SCRT2: variants seen among roughly 807,000 people sequenced by gnomAD.
SCRT2 encodes the protein transcriptional repressor scratch 2.
A neutral mutation model predicts 3.7 loss-of-function variants in SCRT2; 2 were observed. The ratio of observed to expected loss-of-function variants is 0.54; its 90% CI spans 0.22 to 1.70. The LOEUF (loss-of-function observed/expected upper bound fraction) is 1.70, where lower values mean the gene tolerates loss of function less well. SCRT2 is among the 40% of genes most tolerant of loss of function. The probability of loss-of-function intolerance (pLI) is 0.19; values close to 1 mark genes in which losing one functional copy is unlikely to be tolerated. For synonymous variants in SCRT2, 256 were observed against 220.6 expected (o/e 1.16, Z -1.42); for missense variants, 456 against 468.5 (o/e 0.97, Z 0.25).
chr20:666,941 G>A lies in SCRT2; in HGVS notation c.134-2480C>T, dbSNP rs1311208078. On this transcript the variant is annotated intron_variant, in intron 1 of 1. Transcript: ENST00000246104. This position sits in a 1 kb window ranked among gnomAD's most constrained non-coding sequence, Gnocchi z 4.4. ...TTTTTTTTAAAATGGGATTTATCTG[G>A]AGGGGTGACTGATCACGTAACCAGT... Among the ~76,000 whole-genome samples the A allele has an allele frequency of 3.9e-5, 6 of 152,240 alleles. No individual in the cohort carries two copies. The highest frequency in any genetic ancestry group is 8.8e-5 in the Non-Finnish European group (6 of 68,024).
At chr20:672,581 G>A (rs1025398102) in intron 1 of SCRT2, among the ~76,000 whole-genome samples, 1 of 151,972 alleles carries the variant, frequency 6.6e-6, no homozygotes, top group Non-Finnish European at 1.5e-5. Context: ...CACATTCACA[G>A]GCTCCCCCAA....
In SCRT2 at chr20:666,690, C is replaced by T. The variant is rs77051939; in HGVS notation, c.134-2229G>A. On this transcript the variant is annotated intron_variant, in intron 1 of 1. Coordinates refer to ENST00000246104, the MANE Select transcript of SCRT2 (RefSeq NM_033129.4). The surrounding 1 kb of genome is among the most constrained non-coding windows in gnomAD (Gnocchi z 4.4). The stretch of plus-strand genomic sequence containing the variant: ...GCTGTTCACCTCCCATTCCCAGGGC[C>T]CTAGCTAGTGGGCACTTAATAAGTA... 0.027 allele frequency among the ~76,000 whole-genome samples: 4,126 copies of T among 152,284 alleles called. 184 individuals carry two copies. Among genetic ancestry groups the T allele is most frequent in the African/African-American group, 0.088 (3,652 of 41,546 alleles).
chr20:672,202 A>G (rs1249457182), intron 1 of SCRT2, among the ~76,000 whole-genome samples: 1 of 152,136 alleles, frequency 6.6e-6, no homozygotes, highest in Non-Finnish European at 1.5e-5. Flanking sequence ...AATTAGATCT[A>G]TTCCCACTTA....
Position 662,547 on chromosome 20 carries a change from T to G in SCRT2, c.*1124A>C, listed in dbSNP as rs900799407. The G allele has an allele frequency of 1.3e-5, 2 of 152,304 alleles. No individual in the cohort carries two copies. Among genetic ancestry groups the G allele is most frequent in the African/African-American group, 4.8e-5 (2 of 41,442 alleles). 9.4% of individuals were successfully genotyped at this position (152,304 alleles called of 1,614,324 possible). On this transcript the variant is annotated 3_prime_UTR_variant, in exon 2 of 2. Coordinates refer to ENST00000246104, the MANE Select transcript of SCRT2 (RefSeq NM_033129.4). ...CTGTGGCCTGTGCTGTCCCTCTCCTTGCCTGGCTTCCTGACCTCCCAGTCC... is the reference window on the plus strand; with the variant it reads ...CTGTGGCCTGTGCTGTCCCTCTCCTGGCCTGGCTTCCTGACCTCCCAGTCC...
chr20:665,900 AG>A lies in SCRT2; in HGVS notation c.134-1440del, dbSNP rs1984139742. 6.6e-6 allele frequency among the ~76,000 whole-genome samples: 1 copy of A among 152,016 alleles called. No individual in the cohort carries two copies. Among genetic ancestry groups the A allele is most frequent in the Admixed American group, 6.5e-5 (1 of 15,272 alleles). On this transcript the variant is annotated intron_variant, in intron 1 of 1. Transcript: ENST00000246104. The surrounding 1 kb of genome is among the most constrained non-coding windows in gnomAD (Gnocchi z 5.0). ...TGAGCAGGTGGAGGAGGGTTTTGTA[AG>A]GGGAAACAGGGTTCAAGATGTTCAG...
rs1239748751 is a variant in SCRT2, at chr20:667,469, C to G, written c.134-3008G>C. Among the ~76,000 whole-genome samples, 1 of 152,224 alleles carries G rather than the reference C, an allele frequency of 6.6e-6. No individual in the cohort carries two copies. Among genetic ancestry groups the G allele is most frequent in the Non-Finnish European group, 1.5e-5 (1 of 68,036 alleles). On this transcript the variant is annotated intron_variant, in intron 1 of 1. Coordinates refer to ENST00000246104, the MANE Select transcript of SCRT2 (RefSeq NM_033129.4). The surrounding 1 kb of genome is among the most constrained non-coding windows in gnomAD (Gnocchi z 4.4). Reference sequence around the variant, plus strand: ...CCCCAACACATCGTGCTGCTCCTCTCTGGGCCTCTGTTTCCTCACCCGGGA... The same window carrying G: ...CCCCAACACATCGTGCTGCTCCTCTGTGGGCCTCTGTTTCCTCACCCGGGA...
chr20:672,486 C>T (rs1198596121), intron 1 of SCRT2, among the ~76,000 whole-genome samples: 1 of 152,002 alleles, frequency 6.6e-6, no homozygotes, highest in East Asian at 1.9e-4. Flanking sequence ...CCAGCATTCT[C>T]AGGCATTCCC....
Position 663,607 on chromosome 20 carries a change from G to A in SCRT2, c.*64C>T, listed in dbSNP as rs1984033064. On this transcript the variant is annotated 3_prime_UTR_variant, in exon 2 of 2. Transcript: ENST00000246104. The surrounding 1 kb of genome is among the most constrained non-coding windows in gnomAD (Gnocchi z 6.9). ...CCGGGGCTGGGCGAGGGCGCTGCGG[G>A]CGCAGGTAGGGGGCCCGGGGCGCGT... The A allele has an allele frequency of 1.6e-6, 2 of 1,282,722 alleles. No homozygotes were observed. The highest frequency in any genetic ancestry group is 4.2e-5 in the Admixed American group (1 of 23,708). The allele number at this position is 1,282,722 out of a possible 1,614,324, so 79.5% of individuals were successfully genotyped here.
intron 1 of SCRT2, among the ~76,000 whole-genome samples, chr20:672,307 C>CACAG (rs1984359096): frequency 6.6e-6 from 1 of 152,024 alleles, no homozygotes; most frequent in Non-Finnish European, 1.5e-5. Flanking sequence ...GACCCTGGAG[C>CACAG]ACAGACAGAC....
At position 675,478 on chromosome 20, in the gene SCRT2, CG is replaced by C; in HGVS notation, c.123del (p.Asp43ThrfsTer60). On this transcript the variant is annotated frameshift_variant, in exon 1 of 2. Transcript: ENST00000246104. LOFTEE classifies it low-confidence loss of function (END_TRUNC). This position sits in a 1 kb window ranked among gnomAD's most constrained non-coding sequence, Gnocchi z 6.9. ...GCCGGGTCCCACTCACCGTTGTCCC[CG>C]GGAGGCCCCCGGGCGCCAGGCAGCA... ...AYVLPGARGP[P>X]GDNGYAPHRL... The C allele has an allele frequency of 1.5e-6, 2 of 1,349,052 alleles. No homozygotes were observed. Among genetic ancestry groups the C allele is most frequent in the South Asian group, 2.2e-5 (1 of 46,200 alleles). 83.6% of individuals were successfully genotyped at this position (1,349,052 alleles called of 1,614,324 possible).
rs1172039352 is a variant in SCRT2 at position 664,796 on chromosome 20, A to T, written c.134-335T>A. Among the ~76,000 whole-genome samples the T allele has an allele frequency of 6.6e-6, 1 of 152,238 alleles. No individual in the cohort carries two copies. Among genetic ancestry groups the T allele is most frequent in the Admixed American group, 6.5e-5 (1 of 15,288 alleles). On this transcript the variant is annotated intron_variant, in intron 1 of 1. Transcript: ENST00000246104. The surrounding 1 kb of genome is among the most constrained non-coding windows in gnomAD (Gnocchi z 7.9). ...GGTAGAGAAACTGAGGCGCAGAGAG[A>T]TGCAGCAGTCTAACCTTACAGTCAG...
In SCRT2 at chr20:662,777, T is replaced by TG. The variant is rs1270522287; in HGVS notation, c.*893dup. On this transcript the variant is annotated 3_prime_UTR_variant, in exon 2 of 2. Transcript: ENST00000246104. ...GATGGGGGAAAGTGCTCAGAGAATC[T>TG]GGGGGTAGGGCAGCTCCAGACTGTG... The TG allele has an allele frequency of 6.6e-6, 1 of 152,066 alleles. No individual in the cohort carries two copies. The highest frequency in any genetic ancestry group is 1.5e-5 in the Non-Finnish European group (1 of 67,976). The allele number at this position is 152,066 out of a possible 1,614,324, so 9.4% of individuals were successfully genotyped here.
rs1187358867 is a variant in SCRT2 at position 663,685 on chromosome 20, C to A, written c.910G>T (p.Gly304Cys). The change falls in exon 2 of 2, where the codon GGC (glycine) becomes TGC (cysteine). Residue 304 changes from glycine to cysteine, a missense_variant. Coordinates refer to ENST00000246104, the MANE Select transcript of SCRT2 (RefSeq NM_033129.4). This position sits in a 1 kb window ranked among gnomAD's most constrained non-coding sequence, Gnocchi z 6.9. ...AAEPPPPTPA[G>C]PAS ...AGGCGGAAGGCTCAGCTGGCCGGGCCGGCGGGGGTCGGCGGGGGTGGCTCG... is the reference window on the plus strand; with the variant it reads ...AGGCGGAAGGCTCAGCTGGCCGGGCAGGCGGGGGTCGGCGGGGGTGGCTCG... The A allele has an allele frequency of 2.7e-6, 4 of 1,499,594 alleles. No homozygotes were observed. In the East Asian group the frequency reaches 7.9e-5, roughly 30 times the overall value. 92.9% of individuals were successfully genotyped at this position (1,499,594 alleles called of 1,614,324 possible).
intron 1 of SCRT2, among the ~76,000 whole-genome samples, chr20:672,719 C>T (rs1282428184): frequency 6.6e-5 from 9 of 136,312 alleles, no homozygotes; most frequent in African/African-American, 1.4e-4. Context: ...AGGCCTCCCC[C>T]GCCCTCCCTC....
rs368666776 is a variant in SCRT2 at position 664,287 on chromosome 20, G to T, written c.308C>A (p.Thr103Asn). 40 of 1,476,650 alleles carry T rather than the reference G, an allele frequency of 2.7e-5. No homozygotes were observed. The African/African-American group carries it at 5.6e-4, about 21-fold the overall frequency. The allele number at this position is 1,476,650 out of a possible 1,614,324, so 91.5% of individuals were successfully genotyped here. A position where few individuals can be genotyped will look rare whatever the true frequency, so the allele number is the denominator to read the frequency against. Residue 103 changes from threonine (T) to asparagine (N), a missense_variant, in exon 2 of 2, where the codon ACC becomes AAC. Thr to Asn is a moderately conservative substitution (Grantham distance 65). Coordinates refer to ENST00000246104, the MANE Select transcript of SCRT2 (RefSeq NM_033129.4). This position sits in a 1 kb window ranked among gnomAD's most constrained non-coding sequence, Gnocchi z 7.9. ...GAAGGCGTCCATGGAGTAGCTGTCG[G>T]TCACTGCCGCCTCCCCTCGGAAGTA... ...ARYFRGEAAV[T>N]DSYSMDAFFI...
At position 664,214 on chromosome 20, in the gene SCRT2, CCCGCCGCCCCCGCCCCGCCG is replaced by C; in HGVS notation, c.361_380del (p.Arg121GlyfsTer262). 8.2e-7 allele frequency: 1 copy of C among 1,219,882 alleles called. No homozygotes were observed. Among genetic ancestry groups the C allele is most frequent in the Non-Finnish European group, 1.0e-6 (1 of 976,362 alleles). The allele number at this position is 1,219,882 out of a possible 1,614,324, so 75.6% of individuals were successfully genotyped here. ...CCGCGTCTCCCGAGCCCCCCGCGTC[CCCGCCGCCCCCGCCCCGCCG>C]CCGCCGCGAGCGCCCGTCCGAGATG... On this transcript the variant is annotated frameshift_variant, in exon 2 of 2. Coordinates refer to ENST00000246104, the MANE Select transcript of SCRT2 (RefSeq NM_033129.4). LOFTEE classifies it low-confidence loss of function (END_TRUNC). This position sits in a 1 kb window ranked among gnomAD's most constrained non-coding sequence, Gnocchi z 7.9.
chr20:664,131 T>A lies in SCRT2; in HGVS notation c.464A>T (p.His155Leu). 1 of 1,489,506 alleles carries A rather than the reference T, an allele frequency of 6.7e-7. No homozygotes were observed. The highest frequency in any genetic ancestry group is 1.3e-5 in the South Asian group (1 of 78,384). The allele number at this position is 1,489,506 out of a possible 1,614,324, so 92.3% of individuals were successfully genotyped here. A position where few individuals can be genotyped will look rare whatever the true frequency, so the allele number is the denominator to read the frequency against. The change falls in exon 2 of 2, where the codon CAC becomes CTC. Residue 155 changes from histidine (H) to leucine (L), a missense_variant. His to Leu is a moderately conservative substitution (Grantham distance 99, BLOSUM62 -3). Coordinates refer to ENST00000246104, the MANE Select transcript of SCRT2 (RefSeq NM_033129.4). The surrounding 1 kb of genome is among the most constrained non-coding windows in gnomAD (Gnocchi z 7.9). ...AGAQAGGGHRHACAECGKTYA... is the reference protein window; with the variant it reads ...AGAQAGGGHRLACAECGKTYA... The stretch of plus-strand genomic sequence containing the variant: ...GGTCTTGCCGCACTCGGCGCACGCG[T>A]GCCGGTGCCCGCCGCCCGCCTGCGC...
Position 662,041 on chromosome 20 carries a change from G to C in SCRT2, c.*1630C>G, listed in dbSNP as rs1034867417. On this transcript the variant is annotated 3_prime_UTR_variant, in exon 2 of 2. Transcript: ENST00000246104. ...AATGGGGCAGAGGCGTGTGCTTAAA[G>C]CGGAGGGGGCCAGGGCCCGTGCGCG... The C allele has an allele frequency of 6.5e-6, 1 of 152,834 alleles. No homozygotes were observed. The highest frequency in any genetic ancestry group is 1.5e-5 in the Non-Finnish European group (1 of 68,182). 9.5% of individuals were successfully genotyped at this position (152,834 alleles called of 1,614,324 possible). A position where few individuals can be genotyped will look rare whatever the true frequency, so the allele number is the denominator to read the frequency against.
rs57039763 is a variant in SCRT2, at chr20:674,399, T to A, written c.133+1070A>T. The stretch of plus-strand genomic sequence containing the variant: ...CCCCATCTCTCTCTCTCTCTCTCTC[T>A]CACACACACACACACACACACACAC... On this transcript the variant is annotated intron_variant, in intron 1 of 1. Transcript: ENST00000246104. 9.6e-3 allele frequency among the ~76,000 whole-genome samples: 1,029 copies of A among 106,746 alleles called. 16 individuals carry two copies. Among genetic ancestry groups the A allele is most frequent in the African/African-American group, 0.025 (612 of 24,838 alleles). The allele number at this position is 106,746 out of a possible 152,430, so 70.0% of individuals were successfully genotyped here.
Sources: allele counts gnomAD v4.1 joint callset (sites outside exome capture counted in the v4.1 genomes callset), GRCh38; gene constraint gnomAD v4.1.1; non-coding constraint Gnocchi (gnomAD v3.1); transcripts MANE v1.5; gene names NCBI Gene and HGNC (gene_info 2026-07-23, HGNC 2026-07-21).